The following SLC4A4 variants were observed in gnomAD, a reference collection of about 807,000 sequenced individuals.
The protein encoded by SLC4A4 is solute carrier family 4 member 4, also known as electrogenic sodium bicarbonate cotransporter 1.
A neutral mutation model predicts 111.5 loss-of-function variants in SLC4A4; 27 were observed. That is an observed-to-expected ratio of 0.24 (90% CI 0.18 to 0.33). The LOEUF is 0.33. SLC4A4 is among the 10% of genes least tolerant of loss of function. SLC4A4 has a pLI of 1.00. For missense variants in SLC4A4, 909 were observed against 1,315.5 expected (o/e 0.69, Z 4.78); for synonymous variants, 443 against 463.4 (o/e 0.96, Z 0.57).
chr4:71,257,344 C>T (rs1020542480), intron 3 of SLC4A4, among the ~76,000 whole-genome samples: 2 of 152,066 alleles, frequency 1.3e-5, no homozygotes, highest in African/African-American at 2.4e-5. Flanking sequence ...TGCATTTTAC[C>T]GTTTTGTTCC....
intron 15 of SLC4A4, among the ~76,000 whole-genome samples, chr4:71,496,714 G>A (rs1009351075): frequency 2.0e-5 from 3 of 151,988 alleles, no homozygotes; most frequent in Non-Finnish European, 4.4e-5. Context: ...ACAAAAAATA[G>A]GAACAAGAGT....
chr4:71,453,760 T>C, intron 12 of SLC4A4, 91 bp downstream of exon 12: 1 of 1,170,578 alleles, frequency 8.5e-7, no homozygotes, highest in South Asian at 1.2e-5. Flanking sequence ...GGCCTTTCAG[T>C]TACTCAGCGT....
intron 6 of SLC4A4, among the ~76,000 whole-genome samples, chr4:71,374,819 G>A (rs1439444846): frequency 1.3e-5 from 2 of 151,522 alleles, no homozygotes; most frequent in African/African-American, 4.9e-5. Context: ...TTTGGGATTT[G>A]TGAGGATTCA....
At chr4:71,288,419 T>TA (rs369577623) in intron 3 of SLC4A4, among the ~76,000 whole-genome samples, 2 of 151,792 alleles carry the variant, frequency 1.3e-5, no homozygotes, top group African/African-American at 2.4e-5. Flanking sequence ...TTTTTTTTTT[T>TA]ACAGAGTTTC....
intron 2 of SLC4A4, among the ~76,000 whole-genome samples, chr4:71,250,873 A>G (rs930191870): frequency 2.0e-5 from 3 of 152,214 alleles, no homozygotes; most frequent in African/African-American, 7.2e-5. Flanking sequence ...AGAACACTTC[A>G]TACAAAGTTA....
intron 2 of SLC4A4, among the ~76,000 whole-genome samples, chr4:71,116,154 A>G (rs187185611): frequency 3.7e-4 from 56 of 152,318 alleles, no homozygotes; most frequent in African/African-American, 1.2e-3. Context: ...TTGGCCTCCC[A>G]AAGTGCTGGG....
Position 71,568,501 on chromosome 4 carries a change from C to T in SLC4A4, c.*750C>T, listed in dbSNP as rs1355325664. ...CAAGTGCTGGAATGTCCCTTTTTTC[C>T]TATGCAACTTTTTTTAACCCTTTAA... On this transcript the variant is annotated 3_prime_UTR_variant, in exon 26 of 26. Coordinates refer to ENST00000264485, the MANE Select transcript of SLC4A4 (RefSeq NM_001098484.3). The T allele has an allele frequency of 6.6e-6, 1 of 152,084 alleles. No homozygotes were observed. The highest frequency in any genetic ancestry group is 1.5e-5 in the Non-Finnish European group (1 of 67,796). The allele number at this position is 152,084 out of a possible 1,614,324, so 9.4% of individuals were successfully genotyped here. A position where few individuals can be genotyped will look rare whatever the true frequency, so the allele number is the denominator to read the frequency against.
intron 14 of SLC4A4, among the ~76,000 whole-genome samples, chr4:71,476,028 A>C (rs1045224898): frequency 6.6e-6 from 1 of 151,790 alleles, no homozygotes; most frequent in African/African-American, 2.4e-5. Context: ...CTCATGAAAG[A>C]TATATATGTG....
chr4:71,076,195 T>C (rs1449730339), intron 1 of SLC4A4, among the ~76,000 whole-genome samples: 4 of 152,138 alleles, frequency 2.6e-5, no homozygotes, highest in Non-Finnish European at 5.9e-5. Context: ...GTGTTCTTAG[T>C]CCCGAGAATG....
intron 1 of SLC4A4, among the ~76,000 whole-genome samples, chr4:71,085,206 T>A (rs550218989): frequency 1.9e-4 from 29 of 152,260 alleles, no homozygotes; most frequent in African/African-American, 6.8e-4. Context: ...ATGTCTTCTT[T>A]TGAAAAGTGT....
intron 12 of SLC4A4, among the ~76,000 whole-genome samples, chr4:71,462,272 G>T (rs916595743): frequency 6.6e-6 from 1 of 152,114 alleles, no homozygotes; most frequent in African/African-American, 2.4e-5. Context: ...TTTTACAGAA[G>T]AGAAGTAGGA....
intron 15 of SLC4A4, among the ~76,000 whole-genome samples, chr4:71,487,974 A>T (rs1448665849): frequency 1.3e-5 from 2 of 151,556 alleles, no homozygotes; most frequent in Non-Finnish European, 3.0e-5. Flanking sequence ...GTATGTGTAT[A>T]TGTTTTACCA....
At chr4:71,434,757 G>A (rs938595869) in intron 7 of SLC4A4, among the ~76,000 whole-genome samples, 8 of 152,054 alleles carry the variant, frequency 5.3e-5, no homozygotes, top group Admixed American at 1.3e-4. Flanking sequence ...AAAATCACAA[G>A]CATTCCTATA....
chr4:71,301,554 T>C (rs1725260323), intron 3 of SLC4A4, among the ~76,000 whole-genome samples: 1 of 152,166 alleles, frequency 6.6e-6, no homozygotes, highest in Admixed American at 6.5e-5. Flanking sequence ...GATAGTAGTG[T>C]CTCTACCTGC....
Position 71,537,448 on chromosome 4 carries a change from T to G in SLC4A4, c.2442+3060T>G, listed in dbSNP as rs988675355. Among the ~76,000 whole-genome samples the G allele has an allele frequency of 4.4e-4, 64 of 144,882 alleles. 1 individual carries two copies. The highest frequency in any genetic ancestry group is 3.4e-3 in the Middle Eastern group (1 of 298). On this transcript the variant is annotated intron_variant, in intron 18 of 25. Transcript: ENST00000264485. ...ACATATATGTGTGTGTGTGTGTATA[T>G]ATAGAGAGAGAGAGAAAGAGAGAGA...
intron 8 of SLC4A4, among the ~76,000 whole-genome samples, chr4:71,444,956 A>T (rs1191382435): frequency 6.6e-6 from 1 of 152,196 alleles, no homozygotes; most frequent in Non-Finnish European, 1.5e-5. Context: ...GAAAATTTTA[A>T]CTGGTATGTC....
intron 1 of SLC4A4, among the ~76,000 whole-genome samples, chr4:71,076,154 A>C (rs2148932329): frequency 1.3e-5 from 2 of 152,264 alleles, no homozygotes; most frequent in Middle Eastern, 3.4e-3. Context: ...AACTCCACTG[A>C]GGACAAAACG....
chr4:71,471,028 G>A (rs1272547333), intron 13 of SLC4A4, among the ~76,000 whole-genome samples: 1 of 151,956 alleles, frequency 6.6e-6, no homozygotes, highest in Admixed American at 6.6e-5. Flanking sequence ...ATGTCTGGGT[G>A]CTTCGTAGCC....
chr4:71,419,953 C>A (rs1231893168), intron 7 of SLC4A4, among the ~76,000 whole-genome samples: 2 of 152,230 alleles, frequency 1.3e-5, no homozygotes, highest in African/African-American at 2.4e-5. Flanking sequence ...CAAAGGAAAG[C>A]AGTTCCTCAC....
Sources: gnomAD v4.1 joint callset for allele counts (sites outside exome capture counted in the v4.1 genomes callset) on GRCh38, gnomAD v4.1.1 for gene constraint, MANE v1.5 for transcripts, NCBI Gene and HGNC (gene_info 2026-07-23, HGNC 2026-07-21) for gene names.